Variants in RNF114 observed in about 807,000 individuals in gnomAD.
RNF114 encodes the protein ring finger protein 114.
RNF114 carries 6 observed loss-of-function variants against 28.4 expected under a neutral mutation model. That is an observed-to-expected ratio of 0.21 (90% CI 0.12 to 0.42). RNF114 has a LOEUF of 0.42. Ranked by LOEUF, RNF114 falls within the 10% of genes least tolerant of loss-of-function variation. The probability of loss-of-function intolerance (pLI) is 1.00; values close to 1 mark genes in which losing one functional copy is unlikely to be tolerated. For missense variants in RNF114, 249 were observed against 311.7 expected (o/e 0.80, Z 1.51); for synonymous variants, 115 against 116.7 (o/e 0.99, Z 0.09).
chr20:49,945,893 T>TG (rs2090328824), intron 3 of RNF114, among the ~76,000 whole-genome samples: 1 of 152,216 alleles, frequency 6.6e-6, no homozygotes, highest in Non-Finnish European at 1.5e-5. Context: ...CTTGAACTCC[T>TG]GATCTCAGGT....
intron 1 of RNF114, among the ~76,000 whole-genome samples, chr20:49,938,350 C>T (rs2090295338): frequency 6.6e-6 from 1 of 152,136 alleles, no homozygotes; most frequent in South Asian, 2.1e-4. Context: ...CCTAGCCCCA[C>T]GTGATCAGCA....
At chr20:49,937,643 A>G (rs1361323917) in intron 1 of RNF114, among the ~76,000 whole-genome samples, 2 of 152,036 alleles carry the variant, frequency 1.3e-5, no homozygotes, top group Admixed American at 1.3e-4. Context: ...TTGCTTCATC[A>G]TGTTGCTTTA....
rs2090308481 is a variant in RNF114 at position 49,941,679 on chromosome 20, A to G, written c.259A>G (p.Thr87Ala). 1.2e-6 allele frequency: 2 copies of G among 1,612,682 alleles called. No individual in the cohort carries two copies. Among genetic ancestry groups the G allele is most frequent in the Non-Finnish European group, 8.5e-7 (1 of 1,179,684 alleles). Residue 87 changes from threonine to alanine, a missense_variant, in exon 2 of 6, where the codon ACA becomes GCA. Transcript: ENST00000244061. ...AVELERQIES[T>A]ETSCHGCRKN... The stretch of plus-strand genomic sequence containing the variant: ...GGAGCTCGAGCGGCAGATCGAGAGC[A>G]CAGAGACTTCTTGCCATGGCTGCCG...
rs6095717 is a variant in RNF114, at chr20:49,952,596, C to G, written c.*455C>G. On this transcript the variant is annotated 3_prime_UTR_variant, in exon 6 of 6. Transcript: ENST00000244061. ...TGTGCAGACTTTGGCAGCCGTGCAC[C>G]TGACCAGAGCTGAAGCTCCCGCTGG... The G allele has an allele frequency of 5.5e-5, 12 of 217,488 alleles. No homozygotes were observed. Among genetic ancestry groups the G allele is most frequent in the African/African-American group, 2.5e-4 (11 of 44,184 alleles). 13.5% of individuals were successfully genotyped at this position (217,488 alleles called of 1,614,324 possible).
intron 1 of RNF114, among the ~76,000 whole-genome samples, chr20:49,939,998 G>C (rs2090301172): frequency 6.8e-6 from 1 of 146,010 alleles, no homozygotes; most frequent in South Asian, 2.2e-4. Context: ...ATTTTGCAGT[G>C]AGCCGAGATT....
intron 1 of RNF114, among the ~76,000 whole-genome samples, chr20:49,938,876 C>T (rs1332111970): frequency 6.6e-6 from 1 of 152,244 alleles, no homozygotes; most frequent in Non-Finnish European, 1.5e-5. Context: ...TCACTGGACC[C>T]TCTGTGCTCT....
At position 49,952,936 on chromosome 20, in the gene RNF114, G is replaced by C. The variant is rs2090361003; in HGVS notation, c.*795G>C. 1 of 152,532 alleles carries C rather than the reference G, an allele frequency of 6.6e-6. No homozygotes were observed. 9.4% of individuals were successfully genotyped at this position (152,532 alleles called of 1,614,324 possible). The stretch of plus-strand genomic sequence containing the variant: ...TTCTGATTTACAAATTAATGAAGTA[G>C]TTTCAAACAACGCGGTCATGTTTAC... On this transcript the variant is annotated 3_prime_UTR_variant, in exon 6 of 6. Transcript: ENST00000244061.
chr20:49,939,317 C>G (rs2146853277), intron 1 of RNF114, among the ~76,000 whole-genome samples: 1 of 152,342 alleles, frequency 6.6e-6, no homozygotes, highest in East Asian at 1.9e-4. Flanking sequence ...CCCTCACCTT[C>G]TCTGTACCTG....
chr20:49,947,786 T>TGTTTTTTTG lies in RNF114; in HGVS notation c.514-1462_514-1461insGTTTTTTTG, dbSNP rs2090339337. On this transcript the variant is annotated intron_variant, in intron 4 of 5. Transcript: ENST00000244061. ...CTCTGCAAGTTTTTTTTTTTTTTTTTTTTTTTTTTTTTTTTTTTTTTTTGA... is the reference window on the plus strand; with the variant it reads ...CTCTGCAAGTTTTTTTTTTTTTTTTTGTTTTTTTGTTTTTTTTTTTTTTTTTTTTTTTGA... 4.3e-3 allele frequency among the ~76,000 whole-genome samples: 401 copies of TGTTTTTTTG among 92,812 alleles called. 5 individuals are homozygous for TGTTTTTTTG. The highest frequency in any genetic ancestry group is 0.017 in the African/African-American group (394 of 23,184). 60.9% of individuals were successfully genotyped at this position (92,812 alleles called of 152,430 possible). A position where few individuals can be genotyped will look rare whatever the true frequency, so the allele number is the denominator to read the frequency against.
intron 1 of RNF114, among the ~76,000 whole-genome samples, chr20:49,938,762 A>C (rs182514795): frequency 1.3e-5 from 2 of 152,378 alleles, no homozygotes; most frequent in East Asian, 3.8e-4. Context: ...TCTCAGGCAC[A>C]AAGTGACTCG....
intron 1 of RNF114, among the ~76,000 whole-genome samples, chr20:49,940,482 T>G (rs2090303365): frequency 6.6e-6 from 1 of 152,026 alleles, no homozygotes; most frequent in African/African-American, 2.4e-5. Flanking sequence ...TGGCGCGATC[T>G]TGGCTCACTG....
chr20:49,941,748 CATG>C, intron 2 of RNF114, 37 bp downstream of exon 2: 15 of 1,596,694 alleles, frequency 9.4e-6, no homozygotes, highest in African/African-American at 1.3e-5. Context: ...CATGTCTTTC[CATG>C]ATAAGTTGGG....
At chr20:49,943,651 CTTTTTTTTTTTTTTT>C (rs60425763) in intron 2 of RNF114, among the ~76,000 whole-genome samples, 3 of 72,122 alleles carry the variant, frequency 4.2e-5, no homozygotes, top group African/African-American at 1.2e-4. Flanking sequence ...CTACTGTCTT[CTTTTTTTTTTTTTTT>C]TTTTTTTTTT....
chr20:49,948,549 T>A (rs889497090), intron 4 of RNF114, among the ~76,000 whole-genome samples: 8 of 151,786 alleles, frequency 5.3e-5, no homozygotes, highest in Non-Finnish European at 1.0e-4. Flanking sequence ...GCGATTCTCA[T>A]GCCTCAGCCT....
chr20:49,948,082 G>A (rs1182030977), intron 4 of RNF114, among the ~76,000 whole-genome samples: 2 of 151,734 alleles, frequency 1.3e-5, no homozygotes, highest in Non-Finnish European at 2.9e-5. Flanking sequence ...GAGCCACCGC[G>A]CCCGGCCCTC....
chr20:49,945,375 A>G lies in RNF114; in HGVS notation c.292-7A>G, dbSNP rs1479274944. ...TAACTTATGGGCTCTGATTCTTCCTATTTGAGTTCTTCCTGTCCAAGATCC... is the reference window on the plus strand; with the variant it reads ...TAACTTATGGGCTCTGATTCTTCCTGTTTGAGTTCTTCCTGTCCAAGATCC... On this transcript the variant is annotated splice_polypyrimidine_tract_variant and splice_region_variant and intron_variant, in intron 2 of 5. Coordinates refer to ENST00000244061, the MANE Select transcript of RNF114 (RefSeq NM_018683.4). The G allele has an allele frequency of 1.0e-5, 16 of 1,585,038 alleles. No homozygotes were observed. The highest frequency in any genetic ancestry group is 1.4e-5 in the Non-Finnish European group (16 of 1,153,726).
Position 49,952,279 on chromosome 20 carries a change from CAG to C in RNF114, c.*139_*140del. On this transcript the variant is annotated 3_prime_UTR_variant, in exon 6 of 6. Transcript: ENST00000244061. Reference sequence around the variant, plus strand: ...GGCATTGGGACAGGGTCACTTCTGACAGGGGAAGTGGGTCCCCAGGTCAGCCC... The same window carrying C: ...GGCATTGGGACAGGGTCACTTCTGACGGGAAGTGGGTCCCCAGGTCAGCCC... 3 of 768,390 alleles carry C rather than the reference CAG, an allele frequency of 3.9e-6. No homozygotes were observed. The highest frequency in any genetic ancestry group is 4.6e-6 in the Non-Finnish European group (2 of 438,042). The allele number at this position is 768,390 out of a possible 1,614,324, so 47.6% of individuals were successfully genotyped here. A position where few individuals can be genotyped will look rare whatever the true frequency, so the allele number is the denominator to read the frequency against.
intron 5 of RNF114, among the ~76,000 whole-genome samples, chr20:49,950,682 C>CA (rs11429510): frequency 0.34 from 30,615 of 90,092 alleles, 3,937 homozygotes; most frequent in Non-Finnish European, 0.37. Flanking sequence ...GACCCTGTCT[C>CA]AAAAAAAAAA....
intron 2 of RNF114, 87 bp from the exon 3 acceptor site, chr20:49,945,295 A>C: frequency 6.7e-6 from 5 of 742,022 alleles, no homozygotes; most frequent in Admixed American, 2.1e-5. Context: ...GTGTAGGTCT[A>C]GTTTTCTTTG....
Sources: gnomAD v4.1 joint callset for allele counts (sites outside exome capture counted in the v4.1 genomes callset) on GRCh38, gnomAD v4.1.1 for gene constraint, MANE v1.5 for transcripts, NCBI Gene and HGNC (gene_info 2026-07-23, HGNC 2026-07-21) for gene names.